Variants in RP1 observed in about 807,000 individuals in gnomAD.
The protein encoded by RP1 is RP1 axonemal microtubule associated.
RP1 carries 16 observed loss-of-function variants against 14.8 expected under a neutral mutation model. That is an observed-to-expected ratio of 1.08 (90% CI 0.73 to 1.65). The LOEUF (loss-of-function observed/expected upper bound fraction) is 1.65. Among genes scored for constraint, RP1 ranks in the 40% most tolerant of loss-of-function variants. The pLI is 0.00. For synonymous variants in RP1, 876 were observed against 883.6 expected, an observed-to-expected ratio of 0.99 and a Z score of 0.15; for missense variants, 2,631 against 2,535.0, an observed-to-expected ratio of 1.04 and a Z score of -0.81.
At chr8:54,727,636 G>T (rs904727623) in intron 17 of RP1, among the ~76,000 whole-genome samples, 5 of 151,740 alleles carry the variant, frequency 3.3e-5, no homozygotes, top group Admixed American at 3.3e-4. Context: ...ACAAAATTAG[G>T]CTTCATGATA....
intron 12 of RP1, chr8:54,696,815 T>A: frequency 1.4e-6 from 1 of 734,480 alleles, no homozygotes; most frequent in Non-Finnish European, 2.5e-6. Context: ...TTATGTGACC[T>A]GCGGATTTCC....
chr8:54,819,417 C>A (rs1301002208), intron 24 of RP1, among the ~76,000 whole-genome samples: 1 of 152,040 alleles, frequency 6.6e-6, no homozygotes, highest in Non-Finnish European at 1.5e-5. Context: ...ATTTTGAATT[C>A]TCTGTCTGAA....
intron 25 of RP1, chr8:54,837,730 G>A: frequency 1.0e-6 from 1 of 975,574 alleles, no homozygotes; most frequent in Non-Finnish European, 1.3e-6. Flanking sequence ...AGATGATTTA[G>A]AATAGGGGCT....
chr8:54,656,276 C>G lies in RP1; in HGVS notation c.1171+61C>G, dbSNP rs1056241493. 4.0e-6 allele frequency: 6 copies of G among 1,482,418 alleles called. No individual in the cohort carries two copies. The African/African-American group carries it at 4.2e-5, about 10-fold the overall frequency. The allele number at this position is 1,482,418 out of a possible 1,614,324, so 91.8% of individuals were successfully genotyped here. ...ACTTGTTTGCCTAAATGCTGAAGGACAGGGAACCAATAAACACATGTTGAG... is the reference window on the plus strand; with the variant it reads ...ACTTGTTTGCCTAAATGCTGAAGGAGAGGGAACCAATAAACACATGTTGAG... On this transcript the variant is annotated intron_variant, in intron 6 of 22. Transcript: ENST00000636932.
chr8:54,583,467 T>C (rs1804846032), intron 1 of RP1, among the ~76,000 whole-genome samples: 1 of 152,208 alleles, frequency 6.6e-6, no homozygotes, highest in African/African-American at 2.4e-5. Flanking sequence ...TTCTCTTTTT[T>C]TGTTGTGTCT....
chr8:54,640,325 G>T (rs989309873), intron 3 of RP1, among the ~76,000 whole-genome samples: 1 of 152,062 alleles, frequency 6.6e-6, no homozygotes. Context: ...ATTGATTTGT[G>T]CATATATTTG....
At chr8:54,615,634 G>A (rs954536768), upstream of RP1, among the ~76,000 whole-genome samples, 37 of 152,130 alleles carry the variant, frequency 2.4e-4, no homozygotes, top group African/African-American at 7.7e-4. Context: ...AATTGTGTAC[G>A]TTCACAGTCA....
At chr8:54,834,288 G>A (rs925782891) in intron 24 of RP1, among the ~76,000 whole-genome samples, 1 of 152,020 alleles carries the variant, frequency 6.6e-6, no homozygotes, top group Non-Finnish European at 1.5e-5. Context: ...TGAAAGTCAA[G>A]GTCAGAGTCA....
At chr8:54,838,247 C>T (rs1811708602) in intron 25 of RP1, among the ~76,000 whole-genome samples, 1 of 152,212 alleles carries the variant, frequency 6.6e-6, no homozygotes, top group Non-Finnish European at 1.5e-5. Flanking sequence ...CTTTGTAGCA[C>T]CTGAATTCCT....
intron 15 of RP1, among the ~76,000 whole-genome samples, chr8:54,718,825 G>A (rs147326114): frequency 1.1e-3 from 165 of 152,286 alleles, no homozygotes; most frequent in African/African-American, 3.8e-3. Flanking sequence ...GTGGTTGCTA[G>A]GGGTTTGAGG....
chr8:54,621,833 A>C (rs1035529110), intron 2 of RP1, among the ~76,000 whole-genome samples: 1 of 152,116 alleles, frequency 6.6e-6, no homozygotes, highest in Non-Finnish European at 1.5e-5. Flanking sequence ...TTCACATGGA[A>C]TCCAATCTTG....
chr8:54,679,327 T>C (rs529423599), intron 9 of RP1: 2 of 1,129,158 alleles, frequency 1.8e-6, no homozygotes, highest in African/African-American at 3.1e-5. Flanking sequence ...TTCCCTTTCC[T>C]GCTATCTTGT....
intron 24 of RP1, among the ~76,000 whole-genome samples, chr8:54,831,774 T>C (rs888725292): frequency 4.6e-5 from 7 of 151,872 alleles, no homozygotes; most frequent in Admixed American, 2.0e-4. Flanking sequence ...TACATTTACA[T>C]GTCCATCTTG....
intron 11 of RP1, chr8:54,679,720 T>TA (rs1807381485): frequency 2.0e-6 from 3 of 1,520,614 alleles, no homozygotes; most frequent in Middle Eastern, 3.9e-4. Context: ...TAGAGTTTAG[T>TA]AAGTGCTGTT....
At chr8:54,859,716 A>T (rs576997848) in intron 27 of RP1, among the ~76,000 whole-genome samples, 2 of 151,816 alleles carry the variant, frequency 1.3e-5, no homozygotes, top group East Asian at 3.9e-4. Context: ...GTTGCTGCAG[A>T]GTGGTGTCAC....
chr8:54,741,705 G>GTATATATATA (rs1473570105), intron 19 of RP1, among the ~76,000 whole-genome samples: 2 of 75,896 alleles, frequency 2.6e-5, no homozygotes, highest in African/African-American at 1.2e-4. Context: ...ACAAATGTGT[G>GTATATATATA]TGTATATATA....
At chr8:54,840,210 C>T (rs921736582) in intron 25 of RP1, among the ~76,000 whole-genome samples, 2 of 151,908 alleles carry the variant, frequency 1.3e-5, no homozygotes, top group African/African-American at 2.4e-5. Context: ...TGATGGTGTG[C>T]TATATTAGAT....
At chr8:54,799,305 T>G (rs563608154) in intron 24 of RP1, among the ~76,000 whole-genome samples, 2 of 152,214 alleles carry the variant, frequency 1.3e-5, no homozygotes, top group Non-Finnish European at 2.9e-5. Context: ...TATTGCGATC[T>G]GTTCTTTACC....
At chr8:54,574,541 T>C (rs1804602774) in intron 1 of RP1, among the ~76,000 whole-genome samples, 1 of 152,010 alleles carries the variant, frequency 6.6e-6, no homozygotes, top group African/African-American at 2.4e-5. Flanking sequence ...GGGACAAATA[T>C]TGGGAGATGT....
Sources: gnomAD v4.1 joint callset for allele counts (sites outside exome capture counted in the v4.1 genomes callset) on GRCh38, gnomAD v4.1.1 for gene constraint, MANE v1.5 for transcripts, NCBI Gene and HGNC (gene_info 2026-07-23, HGNC 2026-07-21) for gene names.